Variants in MRPL3 observed in about 807,000 individuals in gnomAD.
The protein encoded by MRPL3 is large ribosomal subunit protein uL3m.
MRPL3 carries 43 observed loss-of-function variants against 44.3 expected under a neutral mutation model. The observed-to-expected ratio is 0.97, with a 90% confidence interval of 0.76 to 1.25. The LOEUF (loss-of-function observed/expected upper bound fraction) is 1.25, where lower values mean the gene tolerates loss of function less well. Ranked by LOEUF, MRPL3 falls within the 50% of genes most tolerant of loss-of-function variation. The pLI, the probability that MRPL3 is intolerant of heterozygous loss-of-function variation, is 0.00. For missense variants in MRPL3, 406 were observed against 427.6 expected (o/e 0.95, Z 0.45); for synonymous variants, 171 against 152.3 (o/e 1.12, Z -0.91).
chr3:131,470,539 AGACT>A (rs1267303666), intron 7 of MRPL3, among the ~76,000 whole-genome samples: 2 of 152,128 alleles, frequency 1.3e-5, no homozygotes, highest in African/African-American at 2.4e-5. Flanking sequence ...TGAGTATTAC[AGACT>A]AAGTATCACT....
intron 6 of MRPL3, chr3:131,479,261 T>C (rs1177501578): frequency 4.0e-6 from 2 of 506,192 alleles, no homozygotes; most frequent in African/African-American, 3.9e-5. Context: ...CTTTCTCTCT[T>C]TATGCTCTAA....
chr3:131,468,749 C>T (rs1243926213), intron 8 of MRPL3, among the ~76,000 whole-genome samples: 3 of 151,856 alleles, frequency 2.0e-5, no homozygotes, highest in Admixed American at 6.6e-5. Flanking sequence ...ATCACACACA[C>T]GAAGAAAATA....
chr3:131,484,616 G>A (rs553115515), intron 6 of MRPL3, among the ~76,000 whole-genome samples: 1 of 152,314 alleles, frequency 6.6e-6, no homozygotes, highest in Admixed American at 6.5e-5. Context: ...GCACATGTAT[G>A]TGTACATGTA....
intron 9 of MRPL3, among the ~76,000 whole-genome samples, chr3:131,464,589 A>T (rs1933559586): frequency 6.6e-6 from 1 of 152,178 alleles, no homozygotes; most frequent in Non-Finnish European, 1.5e-5. Flanking sequence ...AAAGCCAGGC[A>T]AATCTGAAAA....
Position 131,502,837 on chromosome 3 carries a change from G to A in MRPL3, c.-16C>T, listed in dbSNP as rs1470150397. On this transcript the variant is annotated 5_prime_UTR_variant, in exon 1 of 10. Transcript: ENST00000264995. The stretch of plus-strand genomic sequence containing the variant: ...AACCCGGCATGGATTAGCCCGGGAA[G>A]ACTCGACTCACGACTTCCGGGCGCC... 3 of 1,610,222 alleles carry A rather than the reference G, an allele frequency of 1.9e-6. No individual in the cohort carries two copies. Among genetic ancestry groups the A allele is most frequent in the Non-Finnish European group, 1.7e-6 (2 of 1,178,662 alleles).
chr3:131,466,690 TGG>T (rs67118415), intron 9 of MRPL3, among the ~76,000 whole-genome samples: 4 of 131,522 alleles, frequency 3.0e-5, no homozygotes, highest in African/African-American at 5.4e-5. Context: ...GCATTTTTTT[TGG>T]GGGGGGGTGG....
At chr3:131,476,293 C>G (rs1933850551) in intron 6 of MRPL3, among the ~76,000 whole-genome samples, 1 of 152,070 alleles carries the variant, frequency 6.6e-6, no homozygotes, top group Non-Finnish European at 1.5e-5. Context: ...TGGCTGAATT[C>G]AGATTAGGGA....
chr3:131,463,636 T>C (rs928464912), intron 9 of MRPL3, among the ~76,000 whole-genome samples: 15 of 152,196 alleles, frequency 9.9e-5, no homozygotes, highest in Non-Finnish European at 1.5e-4. Flanking sequence ...GACAGAATAA[T>C]ATTTAGCAAA....
At chr3:131,466,478 A>C (rs1933603698) in intron 9 of MRPL3, among the ~76,000 whole-genome samples, 1 of 152,090 alleles carries the variant, frequency 6.6e-6, no homozygotes, top group African/African-American at 2.4e-5. Flanking sequence ...GTTTTTATTA[A>C]AATGTATCTG....
intron 6 of MRPL3, among the ~76,000 whole-genome samples, chr3:131,477,616 T>A (rs1202883759): frequency 6.6e-6 from 1 of 152,198 alleles, no homozygotes; most frequent in Non-Finnish European, 1.5e-5. Context: ...GCCTATTTAT[T>A]TTTTTCATCT....
chr3:131,463,024 G>C, intron 9 of MRPL3, 149 bp from the exon 10 acceptor site: 1 of 615,444 alleles, frequency 1.6e-6, no homozygotes, highest in Non-Finnish European at 2.5e-6. Context: ...AAAGAACTCA[G>C]TCAATGCTTT....
intron 4 of MRPL3, among the ~76,000 whole-genome samples, chr3:131,496,528 T>C (rs1256688320): frequency 6.6e-6 from 1 of 152,216 alleles, no homozygotes; most frequent in Admixed American, 6.5e-5. Context: ...TCACCATTTA[T>C]AGAACTATGA....
intron 9 of MRPL3, among the ~76,000 whole-genome samples, chr3:131,464,170 C>CA (rs547979280): frequency 0.013 from 1,915 of 151,218 alleles, 17 homozygotes; most frequent in East Asian, 0.035. Context: ...AAAACCCAAG[C>CA]AAAAAAAACA....
intron 6 of MRPL3, among the ~76,000 whole-genome samples, chr3:131,479,624 TCA>T (rs1366377519): frequency 1.3e-5 from 2 of 152,086 alleles, no homozygotes; most frequent in Admixed American, 1.3e-4. Context: ...GGCGGGTGGA[TCA>T]CGAGGTCAGG....
chr3:131,495,364 T>C (rs1425031116), intron 4 of MRPL3, among the ~76,000 whole-genome samples: 1 of 152,160 alleles, frequency 6.6e-6, no homozygotes, highest in Non-Finnish European at 1.5e-5. Context: ...TGAAGAAAGG[T>C]CATTTTATAG....
chr3:131,465,782 A>ATGAC (rs1933586777), intron 9 of MRPL3, among the ~76,000 whole-genome samples: 1 of 152,162 alleles, frequency 6.6e-6, no homozygotes, highest in Admixed American at 6.5e-5. Context: ...CATTGTAAGT[A>ATGAC]TGACTGCCTT....
intron 6 of MRPL3, among the ~76,000 whole-genome samples, chr3:131,484,192 G>A (rs1374236998): frequency 6.6e-6 from 1 of 152,126 alleles, no homozygotes; most frequent in Non-Finnish European, 1.5e-5. Flanking sequence ...GAGGAGTGAG[G>A]AGGAAAAGTG....
intron 4 of MRPL3, chr3:131,497,952 G>C: frequency 1.9e-6 from 1 of 539,110 alleles, no homozygotes; most frequent in East Asian, 3.3e-5. Flanking sequence ...ACAGCTTAGA[G>C]AGGTAAAATT....
At chr3:131,502,186 G>A (rs565793506) in intron 1 of MRPL3, among the ~76,000 whole-genome samples, 2 of 152,326 alleles carry the variant, frequency 1.3e-5, no homozygotes, top group African/African-American at 4.8e-5. Context: ...CCTCTGAACA[G>A]GTGAACATAC....
Sources: allele counts gnomAD v4.1 joint callset (sites outside exome capture counted in the v4.1 genomes callset), GRCh38; gene constraint gnomAD v4.1.1; transcripts MANE v1.5; gene names NCBI Gene and HGNC (gene_info 2026-07-23, HGNC 2026-07-21).